The following CEP112 variants were observed in gnomAD, a reference collection of about 807,000 sequenced individuals.
The protein encoded by CEP112 is centrosomal protein of 112 kDa.
A neutral mutation model predicts 153.0 loss-of-function variants in CEP112; 127 were observed. The observed-to-expected ratio is 0.83, with a 90% CI of 0.72 to 0.96. CEP112 has a LOEUF of 0.96. Ranked by LOEUF, CEP112 falls within the 40% of genes least tolerant of loss-of-function variation. The pLI, the probability that CEP112 is intolerant of heterozygous loss-of-function variation, is 0.00. For missense variants in CEP112, 1,089 were observed against 1,101.2 expected (o/e 0.99, Z 0.16); for synonymous variants, 358 against 374.4 (o/e 0.96, Z 0.51).
chr17:65,703,191 G>A (rs2048728116), intron 23 of CEP112, among the ~76,000 whole-genome samples: 1 of 152,096 alleles, frequency 6.6e-6, no homozygotes, highest in South Asian at 2.1e-4. Flanking sequence ...CAGCTTTACT[G>A]ACTTTCACAA....
rs1464716417 is a variant in CEP112, at chr17:66,191,980, C to G, written c.-9+17G>C. On this transcript the variant is annotated intron_variant, in intron 1 of 26. Coordinates refer to ENST00000535342, the MANE Select transcript of CEP112 (RefSeq NM_001199165.4). The surrounding 1 kb of genome is among the most constrained non-coding windows in gnomAD (Gnocchi z 4.2). ...GTGGGAGGGGCGGGGGAAGGAAATT[C>G]AGAAAAAAACGAGAACCTGGCACCA... 1 of 153,004 alleles carries G rather than the reference C, an allele frequency of 6.5e-6. No homozygotes were observed. The highest frequency in any genetic ancestry group is 1.5e-5 in the Non-Finnish European group (1 of 68,160). The allele number at this position is 153,004 out of a possible 1,614,324, so 9.5% of individuals were successfully genotyped here.
intron 17 of CEP112, among the ~76,000 whole-genome samples, chr17:65,963,432 C>T (rs1254311023): frequency 6.6e-6 from 1 of 152,054 alleles, no homozygotes; most frequent in African/African-American, 2.4e-5. Context: ...AAAATCCACT[C>T]TAAGACACAA....
chr17:65,951,845 A>G (rs1039232551), intron 18 of CEP112, among the ~76,000 whole-genome samples: 2 of 141,332 alleles, frequency 1.4e-5, no homozygotes, highest in Non-Finnish European at 3.0e-5. Flanking sequence ...TTATTTTTGG[A>G]TATAGGTGTT....
chr17:65,770,715 T>C (rs115948682), intron 21 of CEP112, among the ~76,000 whole-genome samples: 98 of 152,120 alleles, frequency 6.4e-4, no homozygotes, highest in African/African-American at 2.3e-3. Context: ...AAGTATACTG[T>C]TAAGAAACTT....
chr17:66,120,453 G>C (rs1166901884), intron 6 of CEP112, among the ~76,000 whole-genome samples: 1 of 152,030 alleles, frequency 6.6e-6, no homozygotes, highest in Admixed American at 6.6e-5. Flanking sequence ...AGCCCACCTT[G>C]GCCTCCCAAA....
rs564566768 is a variant in CEP112, at chr17:66,085,874, G to A, written c.768+10377C>T. ...CACCTGTAATCCCAGCTACTCAGGAGGCTGAGGTAGGAGAATTGCTTAAAT... is the reference window on the plus strand; with the variant it reads ...CACCTGTAATCCCAGCTACTCAGGAAGCTGAGGTAGGAGAATTGCTTAAAT... On this transcript the variant is annotated intron_variant, in intron 8 of 26. Transcript: ENST00000535342. Among the ~76,000 whole-genome samples the A allele has an allele frequency of 5.9e-5, 9 of 151,976 alleles. No homozygotes were observed. In the South Asian group the frequency reaches 1.9e-3, roughly 32 times the overall value.
At chr17:65,969,128 C>A (rs1008723799) in intron 17 of CEP112, among the ~76,000 whole-genome samples, 4 of 147,934 alleles carry the variant, frequency 2.7e-5, no homozygotes, top group Non-Finnish European at 4.5e-5. Context: ...GTCACCCCAG[C>A]TAGAGTGCAG....
intron 18 of CEP112, among the ~76,000 whole-genome samples, chr17:65,945,216 C>G (rs2061614458): frequency 6.6e-6 from 1 of 152,140 alleles, no homozygotes; most frequent in Admixed American, 6.5e-5. Flanking sequence ...GATTTGTAGA[C>G]TCTTCATTCA....
At chr17:65,833,887 A>G (rs920035138) in intron 21 of CEP112, among the ~76,000 whole-genome samples, 1 of 152,144 alleles carries the variant, frequency 6.6e-6, no homozygotes, top group African/African-American at 2.4e-5. Flanking sequence ...GAGCCTGAAT[A>G]CCCCAAGCAA....
intron 25 of CEP112, among the ~76,000 whole-genome samples, chr17:65,640,156 T>A (rs34343124): frequency 0.12 from 3,721 of 31,750 alleles, 64 homozygotes; most frequent in Middle Eastern, 0.21. Context: ...ATATATATAT[T>A]TTTTTTTTTT....
chr17:65,931,889 G>T (rs2061138045), intron 18 of CEP112, among the ~76,000 whole-genome samples: 1 of 152,168 alleles, frequency 6.6e-6, no homozygotes, highest in African/African-American at 2.4e-5. Flanking sequence ...CATAATTGTG[G>T]GCATAGCATC....
intron 21 of CEP112, among the ~76,000 whole-genome samples, chr17:65,792,895 C>T (rs1464926021): frequency 6.6e-6 from 1 of 152,122 alleles, no homozygotes. Context: ...TATATAACTT[C>T]CTTAGTAATC....
chr17:66,186,097 A>G (rs1177850279), intron 1 of CEP112, among the ~76,000 whole-genome samples: 1 of 150,310 alleles, frequency 6.7e-6, no homozygotes, highest in Non-Finnish European at 1.5e-5. Flanking sequence ...TCTCCACTCA[A>G]CCATGCAATG....
At chr17:66,045,874 C>G (rs2066179400) in intron 12 of CEP112, among the ~76,000 whole-genome samples, 1 of 133,936 alleles carries the variant, frequency 7.5e-6, no homozygotes, top group Non-Finnish European at 1.6e-5. Flanking sequence ...AAAACTATTT[C>G]TATAACTATA....
Position 65,743,213 on chromosome 17 carries a change from A to G in CEP112, c.2462T>C (p.Ile821Thr). The change falls in exon 23 of 27, where the codon ATA becomes ACA. Residue 821 changes from isoleucine (I) to threonine (T), a missense_variant. Coordinates refer to ENST00000535342, the MANE Select transcript of CEP112 (RefSeq NM_001199165.4). Reference sequence around the variant, plus strand: ...GGAAATGGTTGTCTGAAGTTCTGCTATGATCTAAAATGAAAACAGCATGCT... The same window carrying G: ...GGAAATGGTTGTCTGAAGTTCTGCTGTGATCTAAAATGAAAACAGCATGCT... ...TQKLAKSSQI[I>T]AELQTTISSL... 1.2e-6 allele frequency: 2 copies of G among 1,604,190 alleles called. No individual in the cohort carries two copies. Among genetic ancestry groups the G allele is most frequent in the Non-Finnish European group, 8.5e-7 (1 of 1,177,208 alleles).
At chr17:65,847,125 T>A (rs1220855554) in intron 21 of CEP112, among the ~76,000 whole-genome samples, 1 of 152,184 alleles carries the variant, frequency 6.6e-6, no homozygotes, top group Non-Finnish European at 1.5e-5. Context: ...CCAGCCTATG[T>A]AAAAGAGAGT....
chr17:65,961,462 C>G lies in CEP112; in HGVS notation c.1872+1G>C. On this transcript the variant is annotated splice_donor_variant, in intron 18 of 26. Coordinates refer to ENST00000535342, the MANE Select transcript of CEP112 (RefSeq NM_001199165.4). LOFTEE classifies it high-confidence loss of function. ...AAGGGATGGTGTGGCAGCCTCCTTA[C>G]CTGCTCTTTCATTTCAGCATAGACT... 6.2e-7 allele frequency: 1 copy of G among 1,600,428 alleles called. No homozygotes were observed. The highest frequency in any genetic ancestry group is 1.7e-5 in the Admixed American group (1 of 59,714).
chr17:65,975,825 GCAAAAGCATAA>G (rs1398802285), intron 17 of CEP112, among the ~76,000 whole-genome samples: 2 of 152,160 alleles, frequency 1.3e-5, no homozygotes, highest in African/African-American at 4.8e-5. Context: ...AAATGACATG[GCAAAAGCATAA>G]CATGTGGAAA....
intron 19 of CEP112, among the ~76,000 whole-genome samples, chr17:65,907,275 C>T (rs1394984489): frequency 2.6e-5 from 4 of 152,034 alleles, no homozygotes; most frequent in Non-Finnish European, 4.4e-5. Context: ...ATGATCATGC[C>T]CATGTTCAAA....
Sources: allele counts gnomAD v4.1 joint callset (sites outside exome capture counted in the v4.1 genomes callset), GRCh38; gene constraint gnomAD v4.1.1; non-coding constraint Gnocchi (gnomAD v3.1); transcripts MANE v1.5; gene names NCBI Gene and HGNC (gene_info 2026-07-23, HGNC 2026-07-21).